Variants in SLC19A1 observed in about 807,000 individuals in gnomAD.
SLC19A1 encodes reduced folate transporter.
SLC19A1 carries 37 observed loss-of-function variants against 35.3 expected under a neutral mutation model. The observed-to-expected ratio is 1.05, with a 90% CI of 0.81 to 1.38. The LOEUF (loss-of-function observed/expected upper bound fraction) is 1.38. Among genes scored for constraint, SLC19A1 ranks in the 40% most tolerant of loss-of-function variants. The pLI, the probability that SLC19A1 is intolerant of heterozygous loss-of-function variation, is 0.00. For synonymous variants in SLC19A1, 460 were observed against 398.5 expected (o/e 1.15, Z -1.84); for missense variants, 831 against 826.9 (o/e 1.00, Z -0.06).
chr21:45,516,127 G>T lies in SLC19A1; in HGVS notation c.1307C>A (p.Ser436Tyr). Residue 436 changes from serine (S) to tyrosine (Y), a missense_variant, in exon 6 of 6, where the codon TCC becomes TAC. Ser to Tyr is a moderately radical substitution (Grantham distance 144, BLOSUM62 -2). Coordinates refer to ENST00000311124, the MANE Select transcript of SLC19A1 (RefSeq NM_194255.4). ...LPVRKQFQLY[S>Y]VYFLILSIIY... ...GATGGACAGGATCAGGAAGTACACG[G>T]AGTATAACTGGAACTGGAAAGAGAG... 6.2e-7 allele frequency: 1 copy of T among 1,608,390 alleles called. No homozygotes were observed.
At chr21:45,510,984 A>ATC, downstream of SLC19A1, 290 of 50,996 alleles carry the variant, frequency 5.7e-3, 79 homozygotes, top group South Asian at 8.5e-3. Context: ...CACCCCCCAC[A>ATC]CCCCACACAC....
chr21:45,503,634 T>A (rs911166223), intron 3 of SLC19A1, among the ~76,000 whole-genome samples: 2 of 90,346 alleles, frequency 2.2e-5, no homozygotes, highest in Non-Finnish European at 4.1e-5. Flanking sequence ...TGGGGACTGT[T>A]GTGGGGTGGG....
intron 1 of SLC19A1, 57 bp from the exon 2 acceptor site, chr21:45,538,065 C>A (rs943622349): frequency 3.7e-6 from 4 of 1,071,832 alleles, no homozygotes; most frequent in Non-Finnish European, 5.1e-6. Flanking sequence ...GCCTCCCTAC[C>A]CCGCAAAACG....
intron 3 of SLC19A1, chr21:45,504,198 G>A: frequency 9.7e-7 from 1 of 1,025,904 alleles, no homozygotes; most frequent in South Asian, 1.3e-5. Flanking sequence ...GGGTGTCGAG[G>A]GCGTCCCTCA....
intron 3 of SLC19A1, chr21:45,505,789 C>A: frequency 7.5e-7 from 1 of 1,336,786 alleles, no homozygotes; most frequent in Non-Finnish European, 1.0e-6. Flanking sequence ...CCGCCCCTGC[C>A]CCCCGCCCTC....
At chr21:45,509,352 G>A (rs2037435298), downstream of SLC19A1, 1 of 1,545,942 alleles carries the variant, frequency 6.5e-7, no homozygotes, top group Non-Finnish European at 8.7e-7. Context: ...TCTCCCACCT[G>A]CAGGACAATG....
rs1198903884 is a variant in SLC19A1 at position 45,504,527 on chromosome 21, C to T, written c.498-5915G>A. ...CGGCCCCCCCGGCCCCCCAGGCCCCCCAGGCCCACGTGGCTACCCTGGGAT... is the reference window on the plus strand; with the variant it reads ...CGGCCCCCCCGGCCCCCCAGGCCCCTCAGGCCCACGTGGCTACCCTGGGAT... On this transcript the variant is annotated intron_variant, in intron 3 of 4. Transcript: ENST00000417954. 1.4e-5 allele frequency: 21 copies of T among 1,517,338 alleles called. No individual in the cohort carries two copies. Among genetic ancestry groups the T allele is most frequent in the Non-Finnish European group, 1.7e-5 (19 of 1,110,018 alleles). The allele number at this position is 1,517,338 out of a possible 1,614,324, so 94.0% of individuals were successfully genotyped here. A position where few individuals can be genotyped will look rare whatever the true frequency, so the allele number is the denominator to read the frequency against.
chr21:45,531,416 C>T lies in SLC19A1; in HGVS notation c.922G>A (p.Ala308Thr), dbSNP rs757033266. Residue 308 changes from alanine (A) to threonine (T), a missense_variant, in exon 3 of 6, where the codon GCG becomes ACG. Coordinates refer to ENST00000311124, the MANE Select transcript of SLC19A1 (RefSeq NM_194255.4). ...TTNSARVYNG[A>T]ADAASTLLGA... ...AGCAGCGTGGAGGCAGCATCTGCCG[C>T]GCCGTTGTAGACCCGCGCACTGTTG... 10 of 1,595,164 alleles carry T rather than the reference C, an allele frequency of 6.3e-6. No individual in the cohort carries two copies. The highest frequency in any genetic ancestry group is 1.7e-4 in the Middle Eastern group (1 of 5,996).
chr21:45,555,714 G>C (rs1273332319), intron 1 of SLC19A1, among the ~76,000 whole-genome samples: 1 of 152,100 alleles, frequency 6.6e-6, no homozygotes, highest in Non-Finnish European at 1.5e-5. Context: ...AGCCTCCCGA[G>C]CAGGGTGGGC....
chr21:45,538,185 C>T (rs1438453190), intron 1 of SLC19A1, among the ~76,000 whole-genome samples, 177 bp from the exon 2 acceptor site: 6 of 152,200 alleles, frequency 3.9e-5, no homozygotes, highest in Admixed American at 3.9e-4. Flanking sequence ...GCCACCCACA[C>T]CTGAGCTGCT....
At chr21:45,550,200 A>T (rs1160281868) in intron 1 of SLC19A1, among the ~76,000 whole-genome samples, 1 of 151,690 alleles carries the variant, frequency 6.6e-6, no homozygotes, top group Non-Finnish European at 1.5e-5. Flanking sequence ...CACCCCATGC[A>T]CCGCCCTGGT....
chr21:45,509,915 G>T, downstream of SLC19A1: 2 of 908,746 alleles, frequency 2.2e-6, no homozygotes, highest in Non-Finnish European at 3.3e-6. Context: ...CTGCTGCCTG[G>T]GCCCCTCAGT....
intron 3 of SLC19A1, chr21:45,506,383 C>T (rs2838950): frequency 0.3 from 101,287 of 336,074 alleles, 17,242 homozygotes; most frequent in East Asian, 0.57. Context: ...CTCTGCACCC[C>T]GCGTTATAAA....
At chr21:45,555,652 C>T (rs1602958533) in intron 1 of SLC19A1, among the ~76,000 whole-genome samples, 1 of 97,764 alleles carries the variant, frequency 1.0e-5, no homozygotes, top group Admixed American at 1.0e-4. Context: ...CGGGGCGGGG[C>T]GGGGCGGCCC....
rs564067188 is a variant in SLC19A1, at chr21:45,539,425, C to A, written c.-49-1417G>T. 5.0e-3 allele frequency among the ~76,000 whole-genome samples: 769 copies of A among 152,368 alleles called. 2 individuals are homozygous for A. Among genetic ancestry groups the A allele is most frequent in the Non-Finnish European group, 9.0e-3 (612 of 68,034 alleles). The stretch of plus-strand genomic sequence containing the variant: ...TGGACAATTGTGCCTCGCCACAGGG[C>A]CGGCTTGGGAGGGTGGCAGGGGGTC... On this transcript the variant is annotated intron_variant, in intron 1 of 5. Transcript: ENST00000311124.
intron 4 of SLC19A1, among the ~76,000 whole-genome samples, chr21:45,529,901 C>T (rs866429060): frequency 1.5e-5 from 2 of 136,578 alleles, no homozygotes; most frequent in South Asian, 4.8e-4. Flanking sequence ...TGTCTGTGAA[C>T]ATGTGGTGTG....
At position 45,556,907 on chromosome 21, in the gene SLC19A1, A is replaced by G. The variant is rs140246854; in HGVS notation, c.-50+5835T>C. Reference sequence around the variant, plus strand: ...TCTCCTGGGACGGCGACTCAGATGCATGTGTCACCTGGGACGGCACCTCAG... The same window carrying G: ...TCTCCTGGGACGGCGACTCAGATGCGTGTGTCACCTGGGACGGCACCTCAG... On this transcript the variant is annotated intron_variant, in intron 1 of 5. Coordinates refer to the SLC19A1 transcript ENST00000650808. Among the ~76,000 whole-genome samples, 825 of 151,912 alleles carry G rather than the reference A, an allele frequency of 5.4e-3. 9 individuals are homozygous for G. Among genetic ancestry groups the G allele is most frequent in the African/African-American group, 0.019 (778 of 41,406 alleles).
chr21:45,533,974 GGCACCCTGAGGTCGCACCCTGGAGCCT>G lies in SLC19A1; in HGVS notation c.190-1853_190-1827del, dbSNP rs1480774925. Among the ~76,000 whole-genome samples, 8 of 151,920 alleles carry G rather than the reference GGCACCCTGAGGTCGCACCCTGGAGCCT, an allele frequency of 5.3e-5. No homozygotes were observed. The highest frequency in any genetic ancestry group is 6.5e-5 in the Admixed American group (1 of 15,272). On this transcript the variant is annotated intron_variant, in intron 2 of 5. Transcript: ENST00000311124. The surrounding 1 kb of genome is among the most constrained non-coding windows in gnomAD (Gnocchi z 4.5). ...AGGCTGCCCAGAGACCCCACCTCAG[GGCACCCTGAGGTCGCACCCTGGAGCCT>G]GCACCCTCATGGAGGCCAGGCTGAC...
chr21:45,503,962 C>CG, intron 3 of SLC19A1: 1 of 1,609,496 alleles, frequency 6.2e-7, no homozygotes, highest in Non-Finnish European at 8.5e-7. Flanking sequence ...GGGAACCCGG[C>CG]GCTGTCAGAC....
Sources: allele counts gnomAD v4.1 joint callset (sites outside exome capture counted in the v4.1 genomes callset), GRCh38; gene constraint gnomAD v4.1.1; non-coding constraint Gnocchi (gnomAD v3.1); transcripts MANE v1.5; gene names NCBI Gene and HGNC (gene_info 2026-07-23, HGNC 2026-07-21).